Variants in SPTLC1 observed in about 807,000 individuals in gnomAD.
SPTLC1 encodes serine palmitoyltransferase 1.
A neutral mutation model predicts 68.9 loss-of-function variants in SPTLC1; 55 were observed. That is an observed-to-expected ratio of 0.80 (90% CI 0.64 to 1.00). The LOEUF (loss-of-function observed/expected upper bound fraction) is 1.00, where lower values mean the gene tolerates loss of function less well. Ranked by LOEUF, SPTLC1 falls within the 50% of genes least tolerant of loss-of-function variation. SPTLC1 has a pLI of 0.00. For synonymous variants in SPTLC1, 197 were observed against 201.6 expected (o/e 0.98, Z 0.19); for missense variants, 449 against 573.1 (o/e 0.78, Z 2.21).
At chr9:92,107,724 A>G (rs893804976) in intron 3 of SPTLC1, 16 of 152,180 alleles carry the variant, frequency 1.1e-4, no homozygotes, top group Middle Eastern at 3.4e-3. Flanking sequence ...TACACTCCAG[A>G]CTGGGCGACA....
At chr9:92,100,880 C>G (rs1835724022) in intron 3 of SPTLC1, among the ~76,000 whole-genome samples, 1 of 151,464 alleles carries the variant, frequency 6.6e-6, no homozygotes, top group Admixed American at 6.6e-5. Context: ...AGATATTACA[C>G]TACTGTGTCC....
At chr9:92,059,030 CAACACCAAGTACATTTAATAAGCAGG>C in intron 7 of SPTLC1, 123 bp downstream of exon 7, 1 of 953,644 alleles carries the variant, frequency 1.0e-6, no homozygotes, top group Non-Finnish European at 1.6e-6. Context: ...CTTGGCTCTC[CAACACCAAGTACATTTAATAAGCAGG>C]AACACCTTAA....
intron 5 of SPTLC1, among the ~76,000 whole-genome samples, chr9:92,073,789 C>A (rs1466309694): frequency 6.6e-6 from 1 of 152,246 alleles, no homozygotes; most frequent in African/African-American, 2.4e-5. Context: ...TTCAGAATGA[C>A]AAATGCTTGC....
At chr9:92,039,087 C>T (rs925050888) in intron 12 of SPTLC1, among the ~76,000 whole-genome samples, 1 of 152,158 alleles carries the variant, frequency 6.6e-6, no homozygotes. Flanking sequence ...GTCAAGGTTG[C>T]AGTGAGCTGA....
At chr9:92,099,897 A>G (rs992801015) in intron 3 of SPTLC1, among the ~76,000 whole-genome samples, 7 of 152,206 alleles carry the variant, frequency 4.6e-5, no homozygotes, top group African/African-American at 1.7e-4. Flanking sequence ...TAGGAGCAAT[A>G]GGCTATACCA....
intron 3 of SPTLC1, among the ~76,000 whole-genome samples, chr9:92,082,846 A>G (rs1834941575): frequency 6.6e-6 from 1 of 151,080 alleles, no homozygotes; most frequent in South Asian, 2.1e-4. Context: ...ACTAGTTTAC[A>G]GTCCCACCAA....
intron 1 of SPTLC1, among the ~76,000 whole-genome samples, chr9:92,114,511 G>A (rs1381440400): frequency 6.6e-6 from 1 of 152,072 alleles, no homozygotes; most frequent in African/African-American, 2.4e-5. Context: ...CAAGGCGGGC[G>A]GATCACCTGA....
chr9:92,087,564 C>G (rs951322739), intron 3 of SPTLC1, among the ~76,000 whole-genome samples: 1 of 152,206 alleles, frequency 6.6e-6, no homozygotes, highest in Non-Finnish European at 1.5e-5. Flanking sequence ...AGCGGATTTT[C>G]GTGAACCGGG....
chr9:92,044,062 A>C (rs1454576245), intron 12 of SPTLC1, among the ~76,000 whole-genome samples: 1 of 152,166 alleles, frequency 6.6e-6, no homozygotes, highest in East Asian at 1.9e-4. Flanking sequence ...GTTTACTGTG[A>C]GGTGCCATGG....
At chr9:92,047,055 A>G (rs530611964) in intron 11 of SPTLC1, 117 bp downstream of exon 11, 2 of 866,884 alleles carry the variant, frequency 2.3e-6, no homozygotes, top group African/African-American at 1.6e-5. Context: ...TGAATGCCAT[A>G]TAATGTAACT....
chr9:92,091,324 T>C (rs1835353237), intron 3 of SPTLC1, among the ~76,000 whole-genome samples: 1 of 152,142 alleles, frequency 6.6e-6, no homozygotes, highest in East Asian at 1.9e-4. Flanking sequence ...TGAATGAGAC[T>C]TGGGTAAAAT....
chr9:92,052,784 G>A (rs982322495), intron 8 of SPTLC1, among the ~76,000 whole-genome samples: 2 of 151,598 alleles, frequency 1.3e-5, no homozygotes, highest in Non-Finnish European at 2.9e-5. Context: ...CACCTGCCTC[G>A]GCCTCCCAAA....
intron 13 of SPTLC1, 69 bp from the exon 14 acceptor site, chr9:92,034,952 G>A: frequency 4.0e-6 from 5 of 1,261,278 alleles, no homozygotes; most frequent in South Asian, 1.2e-5. Flanking sequence ...CTGGGGGAAC[G>A]CTGAAATCCT....
chr9:92,081,008 T>C (rs1834866567), intron 3 of SPTLC1, 45 bp from the exon 4 acceptor site: 1 of 1,419,184 alleles, frequency 7.0e-7, no homozygotes, highest in Non-Finnish European at 1.0e-6. Flanking sequence ...ACATTCATGT[T>C]ACATGCTATC....
chr9:92,059,756 G>C (rs1158305137), intron 6 of SPTLC1, among the ~76,000 whole-genome samples: 2 of 152,078 alleles, frequency 1.3e-5, no homozygotes, highest in Non-Finnish European at 2.9e-5. Context: ...TTCTACTGTA[G>C]CCAAACACCA....
At chr9:92,112,615 G>T in intron 1 of SPTLC1, 53 bp from the exon 2 acceptor site, 1 of 1,207,104 alleles carries the variant, frequency 8.3e-7, no homozygotes, top group Non-Finnish European at 1.2e-6. Context: ...TCTAACACCT[G>T]CACATAAAAT....
chr9:92,062,477 C>T lies in SPTLC1; in HGVS notation c.561-3169G>A, dbSNP rs115612512. On this transcript the variant is annotated intron_variant, in intron 6 of 14. Coordinates refer to ENST00000262554, the MANE Select transcript of SPTLC1 (RefSeq NM_006415.4). Reference sequence around the variant, plus strand: ...CAGAAAATCACCAAGACAGAAGAACCCAAAAACACCATCAACCAAAAAGAC... The same window carrying T: ...CAGAAAATCACCAAGACAGAAGAACTCAAAAACACCATCAACCAAAAAGAC... 5.5e-3 allele frequency among the ~76,000 whole-genome samples: 829 copies of T among 152,082 alleles called. 6 individuals are homozygous for T. The highest frequency in any genetic ancestry group is 0.019 in the African/African-American group (780 of 41,478).
rs561593106 is a variant in SPTLC1 at position 92,080,224 on chromosome 9, A to G, written c.355-136T>C. On this transcript the variant is annotated intron_variant, in intron 4 of 14. Transcript: ENST00000262554. ...CAGAATATAAAGAAGAGACAGGTGT[A>G]AAGACTGAGTATATGACTTAAAATA... 1.6e-3 allele frequency: 1,161 copies of G among 712,224 alleles called. 4 individuals are homozygous for G. Among genetic ancestry groups the G allele is most frequent in the Middle Eastern group, 3.5e-3 (10 of 2,848 alleles). The allele number at this position is 712,224 out of a possible 1,614,324, so 44.1% of individuals were successfully genotyped here. A position where few individuals can be genotyped will look rare whatever the true frequency, so the allele number is the denominator to read the frequency against.
chr9:92,068,377 G>GTA (rs1226074393), intron 5 of SPTLC1, among the ~76,000 whole-genome samples: 2 of 152,216 alleles, frequency 1.3e-5, no homozygotes, highest in African/African-American at 2.4e-5. Flanking sequence ...TCACTCTACT[G>GTA]TAAGACTTCA....
Sources: gnomAD v4.1 joint callset for allele counts (sites outside exome capture counted in the v4.1 genomes callset) on GRCh38, gnomAD v4.1.1 for gene constraint, MANE v1.5 for transcripts, NCBI Gene and HGNC (gene_info 2026-07-23, HGNC 2026-07-21) for gene names.